Variants in SYCE1L observed in about 807,000 individuals in gnomAD.
SYCE1L encodes the protein synaptonemal complex central element protein 1 like, also known as synaptonemal complex central element protein 1-like.
SYCE1L carries 51 observed loss-of-function variants against 39.6 expected under a neutral mutation model. The ratio of observed to expected loss-of-function variants is 1.29; its 90% confidence interval spans 1.03 to 1.63. SYCE1L has a LOEUF of 1.63. Among genes scored for constraint, SYCE1L ranks in the 40% most tolerant of loss-of-function variants. SYCE1L has a pLI of 0.00. For missense variants in SYCE1L, 426 were observed against 304.9 expected, an observed-to-expected ratio of 1.40 and a Z score of -2.96; for synonymous variants, 147 against 122.4, an observed-to-expected ratio of 1.20 and a Z score of -1.33.
chr16:77,212,609 T>G lies in SYCE1L; in HGVS notation c.617T>G (p.Val206Gly), dbSNP rs2054832928. ...KAELEIFGEQ[V>G]RSAPEVGAGE... ...GAGCTGGAGATATTCGGGGAGCAGG[T>G]CCGGAGCGCCCCCGAGGTCGGGGCC... Residue 206 changes from valine to glycine, a missense_variant, in exon 10 of 11, where the codon GTC becomes GGC. Physicochemically the swap from Val to Gly is moderately radical, Grantham distance 109. Transcript: ENST00000378644. The G allele has an allele frequency of 1.3e-6, 2 of 1,535,322 alleles. No individual in the cohort carries two copies. Among genetic ancestry groups the G allele is most frequent in the Non-Finnish European group, 1.7e-6 (2 of 1,146,270 alleles).
In SYCE1L at chr16:77,199,415, A is replaced by G. The variant is rs1011141686; in HGVS notation, c.-37A>G. On this transcript the variant is annotated 5_prime_UTR_variant, in exon 1 of 11. Transcript: ENST00000378644. Reference sequence around the variant, plus strand: ...CACGTGGTTTCTTTTTTAACCAGTCATCAAGCGAGGCTCGCGCGCAGGCCC... The same window carrying G: ...CACGTGGTTTCTTTTTTAACCAGTCGTCAAGCGAGGCTCGCGCGCAGGCCC... The G allele has an allele frequency of 1.3e-6, 2 of 1,549,366 alleles. No homozygotes were observed. Among genetic ancestry groups the G allele is most frequent in the African/African-American group, 1.4e-5 (1 of 72,906 alleles).
At chr16:77,209,011 T>C in intron 4 of SYCE1L, 86 bp from the exon 5 acceptor site, 1 of 1,431,110 alleles carries the variant, frequency 7.0e-7, no homozygotes, top group Non-Finnish European at 9.6e-7. Context: ...GTACTACACC[T>C]TCTGTGTGGC....
chr16:77,211,358 GCC>G (rs2054821347), intron 7 of SYCE1L, 82 bp downstream of exon 7: 1 of 1,490,920 alleles, frequency 6.7e-7, no homozygotes, highest in Non-Finnish European at 9.2e-7. Flanking sequence ...GTCCACCCCT[GCC>G]CAGGCTCAAT....
At chr16:77,208,405 G>A (rs2054800306) in intron 3 of SYCE1L, 60 bp from the exon 4 acceptor site, 14 of 1,548,048 alleles carry the variant, frequency 9.0e-6, no homozygotes, top group Admixed American at 2.0e-5. Context: ...TCATATTTGC[G>A]AGAGAACAGC....
chr16:77,204,030 C>G (rs943929248), intron 1 of SYCE1L, among the ~76,000 whole-genome samples: 4 of 151,026 alleles, frequency 2.6e-5, no homozygotes, highest in African/African-American at 9.8e-5. Flanking sequence ...ACTTATTCAT[C>G]AGAAAGTTTG....
At chr16:77,210,643 C>G (rs976191538) in intron 6 of SYCE1L, among the ~76,000 whole-genome samples, 7 of 151,948 alleles carry the variant, frequency 4.6e-5, no homozygotes, top group African/African-American at 1.5e-4. Context: ...AGGGTTCAAG[C>G]CAGGATGTTA....
In SYCE1L at chr16:77,208,281, G is replaced by T; in HGVS notation, c.181+12G>T. 6.4e-7 allele frequency: 1 copy of T among 1,551,536 alleles called. No individual in the cohort carries two copies. Among genetic ancestry groups the T allele is most frequent in the Non-Finnish European group, 8.7e-7 (1 of 1,146,928 alleles). On this transcript the variant is annotated intron_variant, in intron 3 of 10. Coordinates refer to ENST00000378644, the MANE Select transcript of SYCE1L (RefSeq NM_001129979.3). ...TGATCTTCAGCAAGGTAAACTTGGG[G>T]ACTTAGACTGGCCAGCTGGGGCGAG...
rs1230838213 is a variant in SYCE1L at position 77,205,058 on chromosome 16, AAAG to A, written c.62-1380_62-1378del. 5.8e-4 allele frequency among the ~76,000 whole-genome samples: 86 copies of A among 147,868 alleles called. 1 individual carries two copies. Among genetic ancestry groups the A allele is most frequent in the South Asian group, 4.3e-4 (2 of 4,688 alleles). ...AGACTCCATCTCAAAAAAAAAAAAA[AAAG>A]AAAAGAAAAAGATAATGTGGGAGGT... On this transcript the variant is annotated intron_variant, in intron 1 of 10. Transcript: ENST00000378644.
intron 8 of SYCE1L, 28 bp from the exon 9 acceptor site, chr16:77,212,254 C>T: frequency 1.3e-6 from 2 of 1,526,802 alleles, no homozygotes; most frequent in Non-Finnish European, 1.8e-6. Flanking sequence ...GGGCCTCGGC[C>T]CTGCCCCTGA....
chr16:77,211,598 C>T (rs886931231), intron 7 of SYCE1L, among the ~76,000 whole-genome samples: 7 of 152,116 alleles, frequency 4.6e-5, no homozygotes, highest in Admixed American at 4.6e-4. Context: ...CAGGTCATTC[C>T]TTCATTTAGC....
chr16:77,209,887 C>T (rs998883579), intron 6 of SYCE1L, among the ~76,000 whole-genome samples: 4 of 152,204 alleles, frequency 2.6e-5, no homozygotes, highest in Non-Finnish European at 5.9e-5. Context: ...ACCATGTCAT[C>T]CAGCCAGATG....
chr16:77,213,181 C>A lies in SYCE1L; in HGVS notation c.*250C>A. On this transcript the variant is annotated 3_prime_UTR_variant, in exon 11 of 11. Transcript: ENST00000378644. ...AAGTGGGTGTCAGTATCCCCCGCCC[C>A]ACGGCCTCATCTCGAGTTCCCAAAC... is the stretch of plus-strand genomic sequence containing the variant. 2.6e-6 allele frequency: 1 copy of A among 387,370 alleles called. No homozygotes were observed. The highest frequency in any genetic ancestry group is 4.6e-6 in the Non-Finnish European group (1 of 219,040). 24.0% of individuals were successfully genotyped at this position (387,370 alleles called of 1,614,324 possible). A position where few individuals can be genotyped will look rare whatever the true frequency, so the allele number is the denominator to read the frequency against.
intron 1 of SYCE1L, among the ~76,000 whole-genome samples, chr16:77,204,890 A>G (rs572777121): frequency 1.5e-4 from 23 of 152,030 alleles, no homozygotes; most frequent in Non-Finnish European, 2.8e-4. Context: ...ACTAAAATAC[A>G]AAAAATTAAC....
intron 1 of SYCE1L, chr16:77,202,035 T>G (rs1192503706): frequency 1.3e-5 from 2 of 152,186 alleles, no homozygotes; most frequent in African/African-American, 4.8e-5. Context: ...GGTAGAGGCA[T>G]TTTTGTGATT....
chr16:77,201,029 A>G (rs1311493953), intron 1 of SYCE1L: 1 of 152,200 alleles, frequency 6.6e-6, no homozygotes, highest in East Asian at 1.9e-4. Flanking sequence ...ACCCATACAG[A>G]CATCAAAGTA....
chr16:77,211,373 C>T (rs1234611026), intron 7 of SYCE1L, 97 bp downstream of exon 7: 77 of 1,380,360 alleles, frequency 5.6e-5, no homozygotes, highest in Middle Eastern at 3.5e-4. Flanking sequence ...GGCTCAATGC[C>T]GCGGGATAGT....
intron 6 of SYCE1L, 76 bp from the exon 7 acceptor site, chr16:77,211,137 G>C: frequency 6.7e-7 from 1 of 1,481,782 alleles, no homozygotes; most frequent in Non-Finnish European, 9.2e-7. Flanking sequence ...AGGATCTGAA[G>C]GCCTGTGCAT....
intron 2 of SYCE1L, among the ~76,000 whole-genome samples, chr16:77,207,534 A>G (rs2054793820): frequency 6.6e-6 from 1 of 152,226 alleles, no homozygotes; most frequent in African/African-American, 2.4e-5. Context: ...AGATGAGGCC[A>G]GTACCAGAGC....
Position 77,208,476 on chromosome 16 carries a change from T to G in SYCE1L, c.193T>G (p.Ser65Ala), listed in dbSNP as rs2054801016. The G allele has an allele frequency of 1.9e-6, 3 of 1,551,532 alleles. No individual in the cohort carries two copies. The South Asian group carries it at 3.6e-5, about 18-fold the overall frequency. ...INDLQQAKKK[S>A]SEELRETHSL... is the part of the protein sequence containing the mutation. The stretch of plus-strand genomic sequence containing the variant: ...CCTTCTTGGCCCAGCAAAGAAGAAA[T>G]CCAGTGAGGAACTGAGAGAGACCCA... The change falls in exon 4 of 11, where the codon TCC (serine) becomes GCC (alanine). Residue 65 changes from serine to alanine, a missense_variant. Coordinates refer to ENST00000378644, the MANE Select transcript of SYCE1L (RefSeq NM_001129979.3).
Sources: gnomAD v4.1 joint callset for allele counts (sites outside exome capture counted in the v4.1 genomes callset) on GRCh38, gnomAD v4.1.1 for gene constraint, MANE v1.5 for transcripts, NCBI Gene and HGNC (gene_info 2026-07-23, HGNC 2026-07-21) for gene names.